KIF21B: variants seen among roughly 807,000 people sequenced by gnomAD.
KIF21B encodes the protein kinesin-like protein KIF21B.
KIF21B carries 85 observed loss-of-function variants against 192.9 expected under a neutral mutation model. The observed-to-expected ratio is 0.44, with a 90% CI of 0.37 to 0.53. The LOEUF is 0.53. Ranked by LOEUF, KIF21B falls within the 20% of genes least tolerant of loss-of-function variation. The probability of loss-of-function intolerance (pLI) is 0.00; values close to 1 mark genes in which losing one functional copy is unlikely to be tolerated. For synonymous variants in KIF21B, 832 were observed against 884.6 expected, an observed-to-expected ratio of 0.94 and a Z score of 1.05; for missense variants, 1,716 against 2,194.8, an observed-to-expected ratio of 0.78 and a Z score of 4.36.
At position 200,982,759 on chromosome 1, in the gene KIF21B, C is replaced by T. The variant is rs769359580; in HGVS notation, c.3842+297G>A. 5.3e-5 allele frequency among the ~76,000 whole-genome samples: 8 copies of T among 152,308 alleles called. No homozygotes were observed. Among genetic ancestry groups the T allele is most frequent in the Non-Finnish European group, 7.4e-5 (5 of 68,020 alleles). On this transcript the variant is annotated intron_variant, in intron 28 of 34. Transcript: ENST00000461742. The surrounding 1 kb of genome is among the most constrained non-coding windows in gnomAD (Gnocchi z 4.7). ...CAGCATCCCCTAGGCCTCCATGCTG[C>T]GCCCCTCCCTGCCCAGGTGAGGAGG... is the stretch of plus-strand genomic sequence containing the variant.
At position 200,998,551 on chromosome 1, in the gene KIF21B, G is replaced by T; in HGVS notation, c.1910C>A (p.Ala637Asp). 1 of 1,613,612 alleles carries T rather than the reference G, an allele frequency of 6.2e-7. No homozygotes were observed. Among genetic ancestry groups the T allele is most frequent in the Non-Finnish European group, 8.5e-7 (1 of 1,179,964 alleles). The change falls in exon 14 of 35, where the codon GCC becomes GAC. Residue 637 changes from alanine (A) to aspartate (D), a missense_variant. Physicochemically the swap from Ala to Asp is moderately radical, Grantham distance 126. This residue lies in a region of KIF21B where 1,087 missense variants were observed against 1,316.6 expected (regional missense o/e 0.83). Coordinates refer to ENST00000461742, the MANE Select transcript of KIF21B (RefSeq NM_001252102.2). The surrounding 1 kb of genome is among the most constrained non-coding windows in gnomAD (Gnocchi z 4.3). The stretch of plus-strand genomic sequence containing the variant: ...GATTTCGATCTCACAAGTCAGGTCG[G>T]CCAGGTCCGCCTGGAAGTTCACCTC... ...EKEVNFQADL[A>D]DLTCEIEIKQ...
rs750338438 is a variant in KIF21B at position 200,983,153 on chromosome 1, C to T, written c.3804-59G>A. ...GTGAGAGGAGACACACACAGAGGGA[C>T]GCAGAGGCGGCAGCAGTGTGTGGGG... On this transcript the variant is annotated intron_variant, in intron 27 of 34. Coordinates refer to ENST00000461742, the MANE Select transcript of KIF21B (RefSeq NM_001252102.2). The T allele has an allele frequency of 2.5e-4, 361 of 1,435,486 alleles. 1 individual carries two copies. Among genetic ancestry groups the T allele is most frequent in the Non-Finnish European group, 3.1e-4 (329 of 1,055,708 alleles). The allele number at this position is 1,435,486 out of a possible 1,614,324, so 88.9% of individuals were successfully genotyped here.
intron 31 of KIF21B, 50 bp downstream of exon 31, chr1:200,977,162 C>A: frequency 1.3e-6 from 2 of 1,570,346 alleles, no homozygotes; most frequent in Non-Finnish European, 8.7e-7. Flanking sequence ...GACCTGGGGA[C>A]CTTGCCTGGG....
At chr1:200,979,064 TAAA>T (rs111674075) in intron 30 of KIF21B, among the ~76,000 whole-genome samples, 1 of 152,056 alleles carries the variant, frequency 6.6e-6, no homozygotes. Context: ...TGACTTCTGC[TAAA>T]AAAAACCACT....
At position 200,977,337 on chromosome 1, in the gene KIF21B, G is replaced by C. The variant is rs751643082; in HGVS notation, c.4200C>G (p.Ala1400=). Residue 1400 remains alanine (A), a synonymous_variant, in exon 31 of 35, where the codon GCC becomes GCG. Transcript: ENST00000461742. ...GQVISGDACA[A]TSTRAITSAQ... ...CACTGGTGATGGCACGGGTGGATGT[G>C]GCGGCACAGGCATCCCCTGAGATCA... is the stretch of plus-strand genomic sequence containing the variant. 4.3e-6 allele frequency: 7 copies of C among 1,614,132 alleles called. No homozygotes were observed. Among genetic ancestry groups the C allele is most frequent in the Non-Finnish European group, 5.1e-6 (6 of 1,180,044 alleles).
intron 1 of KIF21B, among the ~76,000 whole-genome samples, chr1:201,021,952 G>T (rs918191620): frequency 6.6e-6 from 1 of 152,212 alleles, no homozygotes; most frequent in African/African-American, 2.4e-5. Context: ...CCCAGCAGCA[G>T]CCTGGCCCCG....
Position 200,987,031 on chromosome 1 carries a change from C to T in KIF21B, c.3579G>A (p.Ser1193=), listed in dbSNP as rs145091482. The change falls in exon 25 of 35, where the codon TCG becomes TCA. Residue 1193 remains serine (S), a synonymous_variant. Transcript: ENST00000461742. ...VRDPYYRDRV[S]RTVSLPTRGS... is the part of the protein sequence containing the mutation. ...CCCGGGTAGGCAGACTGACGGTGCGCGAGACCCTGTCCCGGTAATAGGGGT... is the reference window on the plus strand; with the variant it reads ...CCCGGGTAGGCAGACTGACGGTGCGTGAGACCCTGTCCCGGTAATAGGGGT... The T allele has an allele frequency of 2.3e-5, 37 of 1,614,052 alleles. No individual in the cohort carries two copies. The highest frequency in any genetic ancestry group is 2.1e-4 in the African/African-American group (16 of 74,986).
chr1:201,001,913 G>A (rs1251259499), intron 9 of KIF21B: 2 of 541,810 alleles, frequency 3.7e-6, no homozygotes, highest in Non-Finnish European at 6.7e-6. Flanking sequence ...GAGGGTTCAG[G>A]GAGAGGCGAT....
At chr1:201,009,565 G>A in intron 1 of KIF21B, 77 bp from the exon 2 acceptor site, 1 of 1,361,978 alleles carries the variant, frequency 7.3e-7, no homozygotes, top group Non-Finnish European at 1.0e-6. Flanking sequence ...CACACTGCCT[G>A]CCAAGCTGCC....
chr1:200,994,793 A>G (rs1011040878), intron 15 of KIF21B, among the ~76,000 whole-genome samples: 8 of 152,232 alleles, frequency 5.3e-5, no homozygotes, highest in Non-Finnish European at 1.2e-4. Context: ...CAGCATGTGC[A>G]GGCCCCTGTT....
In KIF21B at chr1:200,991,092, C is replaced by T; in HGVS notation, c.2512G>A (p.Gly838Arg). ...PMSERVAGRAGLKPPMLDSGA... is the reference protein window; with the variant it reads ...PMSERVAGRARLKPPMLDSGA... ...GAGTCCAGCATGGGTGGCTTTAGTC[C>T]TGCACGCCCTGCCACCCGCTCAGAC... The change falls in exon 18 of 35, where the codon GGA becomes AGA. Residue 838 changes from glycine (G) to arginine (R), a missense_variant. Transcript: ENST00000461742. The T allele has an allele frequency of 6.2e-7, 1 of 1,613,960 alleles. No homozygotes were observed. The highest frequency in any genetic ancestry group is 8.5e-7 in the Non-Finnish European group (1 of 1,180,006).
Position 200,984,858 on chromosome 1 carries a change from C to A in KIF21B, c.3803+1G>T. ...CCCACTTGCCCTCCAGCCCTGCTTA[C>A]TTGTCCAGCGCTGACCCCTGGCTCT... On this transcript the variant is annotated splice_donor_variant, in intron 27 of 34. Transcript: ENST00000461742. LOFTEE classifies it high-confidence loss of function. 6.4e-7 allele frequency: 1 copy of A among 1,564,554 alleles called. No individual in the cohort carries two copies.
At position 200,998,422 on chromosome 1, in the gene KIF21B, T is replaced by A; in HGVS notation, c.2039A>T (p.Asp680Val). 1 of 1,613,966 alleles carries A rather than the reference T, an allele frequency of 6.2e-7. No homozygotes were observed. The change falls in exon 14 of 35, where the codon GAC becomes GTC. Residue 680 changes from aspartate (D) to valine (V), a missense_variant. Asp to Val is a radical substitution (Grantham distance 152, BLOSUM62 -3). Around this residue, in one of 3 missense-constraint regions of KIF21B, gnomAD observed 1,087 missense variants for 1,316.6 expected, o/e 0.83. Coordinates refer to ENST00000461742, the MANE Select transcript of KIF21B (RefSeq NM_001252102.2). This position sits in a 1 kb window ranked among gnomAD's most constrained non-coding sequence, Gnocchi z 4.3. ...CACACGGTCGCGCTCCAGCTGTGTG[T>A]CTCGGATCTTGTTCTGCAGCAGAAT... The part of the protein sequence containing the change: ...KLILLQNKIR[D>V]TQLERDRVLQ...
chr1:201,023,285 A>C lies in KIF21B; in HGVS notation c.41+58T>G, dbSNP rs916496069. The C allele has an allele frequency of 1.4e-6, 2 of 1,426,640 alleles. No individual in the cohort carries two copies. Among genetic ancestry groups the C allele is most frequent in the Non-Finnish European group, 1.9e-6 (2 of 1,059,268 alleles). 88.4% of individuals were successfully genotyped at this position (1,426,640 alleles called of 1,614,324 possible). On this transcript the variant is annotated intron_variant, in intron 1 of 34. Coordinates refer to ENST00000461742, the MANE Select transcript of KIF21B (RefSeq NM_001252102.2). This position sits in a 1 kb window ranked among gnomAD's most constrained non-coding sequence, Gnocchi z 5.9. ...TGCTCGCGCCCCCCGCCCAAAGCCC[A>C]CGCGAGACAAAGCCCGAGGCTTCTC...
chr1:200,991,795 G>A, intron 16 of KIF21B, 70 bp from the exon 17 acceptor site: 1 of 1,489,088 alleles, frequency 6.7e-7, no homozygotes, highest in Non-Finnish European at 9.3e-7. Flanking sequence ...TGTACAGGCT[G>A]GCTAGCCCTG....
In KIF21B at chr1:201,000,778, C is replaced by G. The variant is rs758012354; in HGVS notation, c.1405G>C (p.Asp469His). Residue 469 changes from aspartate (D) to histidine (H), a missense_variant and splice_region_variant, in exon 10 of 35, where the codon GAT becomes CAT. Transcript: ENST00000461742. The surrounding 1 kb of genome is among the most constrained non-coding windows in gnomAD (Gnocchi z 6.0). ...EANLLLAKAG[D>H]GNEAIGALIQ... ...AGCGCACCAATGGCCTCATTGCCAT[C>G]GCCTGGAGTGGGACGGCGGGAAGAA... 1 of 1,614,174 alleles carries G rather than the reference C, an allele frequency of 6.2e-7. No homozygotes were observed.
In KIF21B at chr1:200,991,037, G is replaced by A; in HGVS notation, c.2567C>T (p.Ser856Leu). The A allele has an allele frequency of 6.2e-7, 1 of 1,614,186 alleles. No individual in the cohort carries two copies. The highest frequency in any genetic ancestry group is 8.5e-7 in the Non-Finnish European group (1 of 1,180,054). ...SGAEVSASTT[S>L]SEAESGARSV... ...GCGGGCCCCTGATTCAGCCTCAGAT[G>A]AGGTAGTGCTGGCCGACACCTCAGC... The change falls in exon 18 of 35, where the codon TCA becomes TTA. Residue 856 changes from serine (S) to leucine (L), a missense_variant. Coordinates refer to ENST00000461742, the MANE Select transcript of KIF21B (RefSeq NM_001252102.2).
intron 27 of KIF21B, among the ~76,000 whole-genome samples, chr1:200,984,361 C>T (rs184677131): frequency 6.6e-6 from 1 of 152,182 alleles, no homozygotes; most frequent in Non-Finnish European, 1.5e-5. Context: ...TAACATAAAC[C>T]ACACCATTAG....
rs1655513102 is a variant in KIF21B at position 200,975,820 on chromosome 1, G to C, written c.4444-151C>G. Reference sequence around the variant, plus strand: ...GGAGAGGAGCTTCCCAGCAGGCGAGGGTTCCTGGAGGTGGGGCTGCTCCTT... The same window carrying C: ...GGAGAGGAGCTTCCCAGCAGGCGAGCGTTCCTGGAGGTGGGGCTGCTCCTT... On this transcript the variant is annotated intron_variant, in intron 32 of 34. Transcript: ENST00000461742. This position sits in a 1 kb window ranked among gnomAD's most constrained non-coding sequence, Gnocchi z 4.3. The C allele has an allele frequency of 1.4e-6, 1 of 709,970 alleles. No individual in the cohort carries two copies. The highest frequency in any genetic ancestry group is 1.8e-5 in the African/African-American group (1 of 55,694). 44.0% of individuals were successfully genotyped at this position (709,970 alleles called of 1,614,324 possible). A position where few individuals can be genotyped will look rare whatever the true frequency, so the allele number is the denominator to read the frequency against.
Sources: allele counts gnomAD v4.1 joint callset (sites outside exome capture counted in the v4.1 genomes callset), GRCh38; gene constraint gnomAD v4.1.1; regional missense constraint gnomAD v4.1.1; non-coding constraint Gnocchi (gnomAD v3.1); transcripts MANE v1.5; gene names NCBI Gene and HGNC (gene_info 2026-07-23, HGNC 2026-07-21).